SEC11C: variants seen among roughly 807,000 people sequenced by gnomAD.
The protein encoded by SEC11C is signal peptidase complex catalytic subunit SEC11C.
A neutral mutation model predicts 21.9 loss-of-function variants in SEC11C; 10 were observed. That is an observed-to-expected ratio of 0.46 (90% CI 0.28 to 0.77). The LOEUF is 0.77. SEC11C is among the 30% of genes least tolerant of loss of function. SEC11C has a pLI of 0.12. For synonymous variants in SEC11C, 83 were observed against 85.6 expected, an observed-to-expected ratio of 0.97 and a Z score of 0.17; for missense variants, 145 against 244.5, an observed-to-expected ratio of 0.59 and a Z score of 2.71.
intron 3 of SEC11C, among the ~76,000 whole-genome samples, chr18:59,154,379 G>A (rs1317388868): frequency 6.6e-6 from 1 of 152,014 alleles, no homozygotes; most frequent in Admixed American, 6.6e-5. Flanking sequence ...GGGGCTTTTG[G>A]CATTTTATCT....
chr18:59,145,496 G>A (rs372431106), intron 1 of SEC11C, among the ~76,000 whole-genome samples: 2 of 152,330 alleles, frequency 1.3e-5, no homozygotes, highest in African/African-American at 4.8e-5. Flanking sequence ...AGGCCCTGGG[G>A]TGGAAAGAAG....
In SEC11C at chr18:59,158,793, G is replaced by A; in HGVS notation, c.*108G>A. 1.1e-6 allele frequency: 1 copy of A among 947,604 alleles called. No homozygotes were observed. Among genetic ancestry groups the A allele is most frequent in the Non-Finnish European group, 1.6e-6 (1 of 609,400 alleles). 58.7% of individuals were successfully genotyped at this position (947,604 alleles called of 1,614,324 possible). On this transcript the variant is annotated 3_prime_UTR_variant, in exon 6 of 6. Transcript: ENST00000587834. ...TCTGTATAAAAGGGAACAGTGTGGAGATGTTTTTGTCTTGTCCAAATAAAA... is the reference window on the plus strand; with the variant it reads ...TCTGTATAAAAGGGAACAGTGTGGAAATGTTTTTGTCTTGTCCAAATAAAA...
chr18:59,139,989 C>G lies in SEC11C; in HGVS notation c.41C>G (p.Ser14Cys). 1.3e-6 allele frequency: 2 copies of G among 1,595,500 alleles called. No individual in the cohort carries two copies. Among genetic ancestry groups the G allele is most frequent in the Non-Finnish European group, 1.7e-6 (2 of 1,169,486 alleles). ...AGAVGAHLPASGLDIFGDLKK... is the reference protein window; with the variant it reads ...AGAVGAHLPACGLDIFGDLKK... ...GCCGTGGGGGCTCATCTCCCCGCGT[C>G]CGGCTTGGATATCTTCGGGGACCTG... The change falls in exon 1 of 6, where the codon TCC becomes TGC. Residue 14 changes from serine to cysteine, a missense_variant. Transcript: ENST00000587834.
At chr18:59,145,065 C>T (rs1295243599) in intron 1 of SEC11C, among the ~76,000 whole-genome samples, 2 of 152,114 alleles carry the variant, frequency 1.3e-5, no homozygotes, top group Non-Finnish European at 2.9e-5. Flanking sequence ...AATGTAAGGT[C>T]TAATGCAAAA....
intron 1 of SEC11C, among the ~76,000 whole-genome samples, chr18:59,140,678 A>G (rs923915928): frequency 2.0e-5 from 3 of 152,174 alleles, no homozygotes; most frequent in Non-Finnish European, 4.4e-5. Flanking sequence ...TGCACTCTGA[A>G]TATAGGAGGC....
At chr18:59,150,892 C>T (rs1428503306) in intron 2 of SEC11C, among the ~76,000 whole-genome samples, 1 of 152,158 alleles carries the variant, frequency 6.6e-6, no homozygotes, top group Non-Finnish European at 1.5e-5. Context: ...TCTGAGATTT[C>T]CTGGCCCTCC....
In SEC11C at chr18:59,145,767, A is replaced by G. The variant is rs967026625; in HGVS notation, c.88-3746A>G. On this transcript the variant is annotated intron_variant, in intron 1 of 5. Transcript: ENST00000587834. ...TTTCCATCAATGGTGGACTGCATAC[A>G]TGATGGTGGTCCCAAAAAATTATAC... Among the ~76,000 whole-genome samples the G allele has an allele frequency of 2.6e-4, 39 of 152,210 alleles. 1 individual carries two copies. Among genetic ancestry groups the G allele is most frequent in the Non-Finnish European group, 2.4e-4 (16 of 68,040 alleles).
At chr18:59,156,907 T>C (rs1165858416) in intron 4 of SEC11C, 3 of 152,238 alleles carry the variant, frequency 2.0e-5, no homozygotes, top group Non-Finnish European at 2.9e-5. Flanking sequence ...CCAGACACTC[T>C]GGTGAAAGGC....
chr18:59,155,875 A>G lies in SEC11C; in HGVS notation c.467+68A>G, dbSNP rs2069412480. 3.9e-6 allele frequency: 6 copies of G among 1,555,532 alleles called. No individual in the cohort carries two copies. In the African/African-American group the frequency reaches 4.1e-5, roughly 11 times the overall value. On this transcript the variant is annotated intron_variant, in intron 4 of 5. Coordinates refer to ENST00000587834, the MANE Select transcript of SEC11C (RefSeq NM_033280.4). ...ACTTAGAAATGAAGAAATTAAATCA[A>G]TAGGCTAATGAGTCGTTAATTACAA...
chr18:59,145,407 G>A (rs561411042), intron 1 of SEC11C, among the ~76,000 whole-genome samples: 1 of 152,274 alleles, frequency 6.6e-6, no homozygotes, highest in African/African-American at 2.4e-5. Flanking sequence ...GGGTTCTGTT[G>A]GACACTGACA....
At chr18:59,151,419 G>A (rs141526237) in intron 2 of SEC11C, among the ~76,000 whole-genome samples, 1 of 151,832 alleles carries the variant, frequency 6.6e-6, no homozygotes, top group East Asian at 1.9e-4. Context: ...TGTTTTGACT[G>A]TGATGTTTTC....
intron 1 of SEC11C, among the ~76,000 whole-genome samples, chr18:59,148,538 C>T (rs956470813): frequency 5.3e-5 from 8 of 152,186 alleles, no homozygotes; most frequent in African/African-American, 1.2e-4. Context: ...TGAGGTAGAT[C>T]GGGTGGGCTT....
chr18:59,153,474 GT>G (rs2069382719), intron 3 of SEC11C: 1 of 144,676 alleles, frequency 6.9e-6, no homozygotes, highest in Non-Finnish European at 1.5e-5. Context: ...TTCTCACTGT[GT>G]ATGTGTGTGT....
Position 59,155,685 on chromosome 18 carries a change from C to A in SEC11C, c.348-3C>A, listed in dbSNP as rs766731963. Reference sequence around the variant, plus strand: ...TTTGAGAAGACATTATTTTGCTTTCCAGAGATAATGGAGACATCAAATTTC... The same window carrying A: ...TTTGAGAAGACATTATTTTGCTTTCAAGAGATAATGGAGACATCAAATTTC... On this transcript the variant is annotated splice_region_variant and splice_polypyrimidine_tract_variant and intron_variant, in intron 3 of 5. Coordinates refer to ENST00000587834, the MANE Select transcript of SEC11C (RefSeq NM_033280.4). The A allele has an allele frequency of 1.2e-5, 19 of 1,609,266 alleles. No homozygotes were observed. Among genetic ancestry groups the A allele is most frequent in the Non-Finnish European group, 1.5e-5 (18 of 1,178,542 alleles).
At chr18:59,142,521 G>A (rs1285103036) in intron 1 of SEC11C, among the ~76,000 whole-genome samples, 13 of 152,184 alleles carry the variant, frequency 8.5e-5, no homozygotes, top group Non-Finnish European at 1.0e-4. Flanking sequence ...AGGCAGAGCC[G>A]GTGGGGAGGT....
intron 1 of SEC11C, among the ~76,000 whole-genome samples, chr18:59,149,268 T>C (rs1369696224): frequency 1.3e-5 from 2 of 152,218 alleles, no homozygotes; most frequent in Non-Finnish European, 1.5e-5. Context: ...CCTTGAGGCT[T>C]TAACAAGACA....
intron 1 of SEC11C, chr18:59,147,811 C>G (rs748145009): frequency 4.6e-5 from 7 of 152,314 alleles, no homozygotes; most frequent in Non-Finnish European, 1.0e-4. Context: ...GAGAGGGGAA[C>G]AGAAATCTCT....
chr18:59,144,492 G>A (rs2069247515), intron 1 of SEC11C, among the ~76,000 whole-genome samples: 1 of 152,146 alleles, frequency 6.6e-6, no homozygotes, highest in Admixed American at 6.5e-5. Flanking sequence ...CAGCACTTTG[G>A]GAGGATTGCT....
At chr18:59,143,937 C>T (rs1457084256) in intron 1 of SEC11C, among the ~76,000 whole-genome samples, 5 of 151,816 alleles carry the variant, frequency 3.3e-5, no homozygotes, top group Admixed American at 6.6e-5. Context: ...TTGCAACCTC[C>T]GCCTCCCGGG....
Sources: allele counts gnomAD v4.1 joint callset (sites outside exome capture counted in the v4.1 genomes callset), GRCh38; gene constraint gnomAD v4.1.1; transcripts MANE v1.5; gene names NCBI Gene and HGNC (gene_info 2026-07-23, HGNC 2026-07-21).